Variants in ASIC2 observed in about 807,000 individuals in gnomAD.
The protein encoded by ASIC2 is acid sensing ion channel subunit 2, also known as acid-sensing ion channel 2.
A neutral mutation model predicts 57.3 loss-of-function variants in ASIC2; 25 were observed. That is an observed-to-expected ratio of 0.44 (90% CI 0.32 to 0.61). The LOEUF (loss-of-function observed/expected upper bound fraction) is 0.61. Ranked by LOEUF, ASIC2 falls within the 20% of genes least tolerant of loss-of-function variation. The pLI, the probability that ASIC2 is intolerant of heterozygous loss-of-function variation, is 0.06. For missense variants in ASIC2, 641 were observed against 738.1 expected, an observed-to-expected ratio of 0.87 and a Z score of 1.52; for synonymous variants, 319 against 307.5, an observed-to-expected ratio of 1.04 and a Z score of -0.39.
chr17:33,326,652 T>A (rs915736488), intron 1 of ASIC2, among the ~76,000 whole-genome samples: 1 of 152,176 alleles, frequency 6.6e-6, no homozygotes, highest in African/African-American at 2.4e-5. Context: ...AACCAGCAGC[T>A]CCCAGAGCTG....
chr17:33,511,473 C>T (rs1914429551), intron 1 of ASIC2, among the ~76,000 whole-genome samples: 2 of 152,126 alleles, frequency 1.3e-5, no homozygotes, highest in Non-Finnish European at 1.5e-5. Flanking sequence ...AATGACTGGG[C>T]ACCACCCAGT....
intron 1 of ASIC2, among the ~76,000 whole-genome samples, chr17:33,883,224 C>A (rs2348157): frequency 6.6e-6 from 1 of 151,850 alleles, no homozygotes; most frequent in African/African-American, 2.4e-5. Flanking sequence ...TGCACATGTA[C>A]CCTAAAACTT....
intron 1 of ASIC2, among the ~76,000 whole-genome samples, chr17:33,720,858 A>G (rs1909368891): frequency 6.6e-6 from 1 of 152,186 alleles, no homozygotes; most frequent in Admixed American, 6.5e-5. Flanking sequence ...CATACTGCAG[A>G]AAGGGAAGGT....
intron 1 of ASIC2, among the ~76,000 whole-genome samples, chr17:34,151,287 C>A (rs1193174723): frequency 3.9e-5 from 6 of 152,128 alleles, no homozygotes; most frequent in African/African-American, 1.4e-4. Flanking sequence ...TTTAATGAGA[C>A]TGCATTCTTG....
At chr17:34,031,960 T>G (rs946697394) in intron 1 of ASIC2, among the ~76,000 whole-genome samples, 14 of 152,266 alleles carry the variant, frequency 9.2e-5, no homozygotes, top group Non-Finnish European at 1.3e-4. Context: ...CCAGGAGAAC[T>G]TCCCCAATCT....
chr17:34,140,900 C>G (rs1320550148), intron 1 of ASIC2, among the ~76,000 whole-genome samples: 1 of 151,954 alleles, frequency 6.6e-6, no homozygotes, highest in Non-Finnish European at 1.5e-5. Flanking sequence ...ATGATAAAAC[C>G]AGAGGGTGAG....
At chr17:33,898,549 T>C (rs1203697948) in intron 1 of ASIC2, among the ~76,000 whole-genome samples, 1 of 152,170 alleles carries the variant, frequency 6.6e-6, no homozygotes, top group Admixed American at 6.5e-5. Flanking sequence ...TGTATACTCT[T>C]ACCTAGCTTC....
chr17:33,478,965 G>A (rs1282137153), intron 1 of ASIC2, among the ~76,000 whole-genome samples: 1 of 152,134 alleles, frequency 6.6e-6, no homozygotes, highest in Non-Finnish European at 1.5e-5. Flanking sequence ...GTACATGGAT[G>A]GGTTGCTGTT....
intron 1 of ASIC2, among the ~76,000 whole-genome samples, chr17:33,236,617 A>G (rs952312708): frequency 3.3e-5 from 5 of 152,206 alleles, no homozygotes; most frequent in African/African-American, 9.6e-5. Flanking sequence ...CTGGGATTAC[A>G]GGTGCATGCC....
intron 1 of ASIC2, among the ~76,000 whole-genome samples, chr17:33,739,291 G>A (rs1001965852): frequency 8.5e-5 from 13 of 152,162 alleles, no homozygotes; most frequent in Admixed American, 5.9e-4. Flanking sequence ...CAAAAAGAGG[G>A]GATTTGAGTC....
chr17:33,214,271 C>G (rs918969698), intron 1 of ASIC2, among the ~76,000 whole-genome samples: 1 of 152,162 alleles, frequency 6.6e-6, no homozygotes, highest in Non-Finnish European at 1.5e-5. Flanking sequence ...CACCCTCTTA[C>G]TTGTACCCTT....
intron 1 of ASIC2, among the ~76,000 whole-genome samples, chr17:33,164,438 G>C (rs1012587764): frequency 7.5e-6 from 1 of 134,084 alleles, no homozygotes; most frequent in Non-Finnish European, 1.7e-5. Flanking sequence ...TTGCTGGCGG[G>C]TAATTGGATG....
chr17:33,024,049 G>A, intron 5 of ASIC2, 35 bp from the exon 6 acceptor site: 5 of 1,612,690 alleles, frequency 3.1e-6, no homozygotes, highest in Non-Finnish European at 4.2e-6. Flanking sequence ...TTAGTCAGGT[G>A]TGGGCACTGG....
chr17:33,167,627 G>C (rs1041167032), intron 1 of ASIC2, among the ~76,000 whole-genome samples: 1 of 152,122 alleles, frequency 6.6e-6, no homozygotes, highest in African/African-American at 2.4e-5. Flanking sequence ...GCTCCCCACT[G>C]CCTACTGTAT....
chr17:33,763,177 C>G (rs564450485), intron 1 of ASIC2, among the ~76,000 whole-genome samples: 1 of 152,342 alleles, frequency 6.6e-6, no homozygotes, highest in Admixed American at 6.5e-5. Flanking sequence ...CTGACTACGA[C>G]TTCTTGGAGT....
At chr17:33,663,528 C>A (rs1273083998) in intron 1 of ASIC2, among the ~76,000 whole-genome samples, 1 of 147,110 alleles carries the variant, frequency 6.8e-6, no homozygotes, top group Non-Finnish European at 1.5e-5. Context: ...TCCTTTTAGA[C>A]CTTACGTGTA....
chr17:33,446,032 C>A (rs1227178003), intron 1 of ASIC2, among the ~76,000 whole-genome samples: 1 of 151,800 alleles, frequency 6.6e-6, no homozygotes, highest in African/African-American at 2.4e-5. Flanking sequence ...CTGTGAAGTA[C>A]CATTTCCATA....
chr17:33,640,350 C>A lies in ASIC2; in HGVS notation c.555+515628G>T, dbSNP rs555387139. 2.6e-5 allele frequency among the ~76,000 whole-genome samples: 4 copies of A among 152,090 alleles called. No individual in the cohort carries two copies. The South Asian group carries it at 8.3e-4, about 32-fold the overall frequency. ...TTTTCTTTGAATTAAGAATGCACAC[C>A]CACCTTTGCATTTCGCCAAAAGACA... On this transcript the variant is annotated intron_variant, in intron 1 of 9. Transcript: ENST00000359872.
chr17:33,706,781 C>A (rs1360816255), intron 1 of ASIC2, among the ~76,000 whole-genome samples: 1 of 152,086 alleles, frequency 6.6e-6, no homozygotes, highest in African/African-American at 2.4e-5. Context: ...TTCATTCTGC[C>A]CCCACCTGGG....
Sources: allele counts gnomAD v4.1 joint callset (sites outside exome capture counted in the v4.1 genomes callset), GRCh38; gene constraint gnomAD v4.1.1; transcripts MANE v1.5; gene names NCBI Gene and HGNC (gene_info 2026-07-23, HGNC 2026-07-21).